SLC26A5: variants seen among roughly 807,000 people sequenced by gnomAD.
SLC26A5 encodes prestin.
Under a neutral mutation model 81.0 loss-of-function variants are expected in SLC26A5, and 51 were observed. That is an observed-to-expected ratio of 0.63 (90% confidence interval 0.50 to 0.80). SLC26A5 has a LOEUF of 0.80. Ranked by LOEUF, SLC26A5 falls within the 30% of genes least tolerant of loss-of-function variation. The pLI is 0.00. For missense variants in SLC26A5, 771 were observed against 905.8 expected (o/e 0.85, Z 1.91); for synonymous variants, 325 against 332.8 (o/e 0.98, Z 0.25).
intron 19 of SLC26A5, among the ~76,000 whole-genome samples, chr7:103,356,013 G>C (rs1160529763): frequency 6.6e-6 from 1 of 152,132 alleles, no homozygotes; most frequent in Non-Finnish European, 1.5e-5. Context: ...GATATAAAAA[G>C]ATGTAGAGCA....
In SLC26A5 at chr7:103,377,640, C is replaced by T. The variant is rs756281394; in HGVS notation, c.1945G>A (p.Val649Ile). Residue 649 changes from valine (V) to isoleucine (I), a missense_variant, in exon 18 of 20, where the codon GTC (valine) becomes ATC (isoleucine). Coordinates refer to ENST00000306312, the MANE Select transcript of SLC26A5 (RefSeq NM_198999.3). ...VHTVILDFTQ[V>I]NFIDSVGVKT... ...ACTCCAACAGAATCAATAAAATTGA[C>T]TTGAGTGAAATCCAAAATGACAGTG... 1 of 1,614,074 alleles carries T rather than the reference C, an allele frequency of 6.2e-7. No individual in the cohort carries two copies. The highest frequency in any genetic ancestry group is 1.1e-5 in the South Asian group (1 of 91,074).
intron 19 of SLC26A5, among the ~76,000 whole-genome samples, chr7:103,364,958 C>CATACATATATATATATATAT (rs374432802): frequency 1.6e-5 from 2 of 125,500 alleles, no homozygotes; most frequent in African/African-American, 5.9e-5. Context: ...TGTAGACATA[C>CATACATATATATATATATAT]ATATATATAT....
intron 19 of SLC26A5, among the ~76,000 whole-genome samples, chr7:103,364,611 G>A (rs918190698): frequency 5.3e-5 from 8 of 152,036 alleles, no homozygotes; most frequent in Admixed American, 4.6e-4. Flanking sequence ...GTTTTACCAT[G>A]TGGCCCAGCT....
In SLC26A5 at chr7:103,367,899, G is replaced by T; in HGVS notation, c.2041+8909C>A. The T allele has an allele frequency of 1.2e-6, 2 of 1,613,064 alleles. No individual in the cohort carries two copies. The highest frequency in any genetic ancestry group is 1.7e-6 in the Non-Finnish European group (2 of 1,179,668). On this transcript the variant is annotated intron_variant, in intron 19 of 19. Transcript: ENST00000339444. The surrounding 1 kb of genome is among the most constrained non-coding windows in gnomAD (Gnocchi z 6.1). Reference sequence around the variant, plus strand: ...TTTATTTTCTTTTTGTTTGAAAGGTGCTGAGATTAGAAGCGTCTGCACAGA... The same window carrying T: ...TTTATTTTCTTTTTGTTTGAAAGGTTCTGAGATTAGAAGCGTCTGCACAGA...
At chr7:103,407,337 T>A (rs1015376137) in intron 8 of SLC26A5, among the ~76,000 whole-genome samples, 2 of 152,174 alleles carry the variant, frequency 1.3e-5, no homozygotes, top group African/African-American at 4.8e-5. Flanking sequence ...AATAAAATAT[T>A]TTTATTCCAA....
intron 14 of SLC26A5, among the ~76,000 whole-genome samples, chr7:103,387,511 G>C (rs1480956555): frequency 2.0e-5 from 3 of 152,190 alleles, no homozygotes; most frequent in Non-Finnish European, 2.9e-5. Flanking sequence ...CAGGCACTGT[G>C]CTGGCTGTTT....
Position 103,377,746 on chromosome 7 carries a change from T to C in SLC26A5, c.1839A>G (p.Glu613=). The C allele has an allele frequency of 6.2e-7, 1 of 1,614,174 alleles. No individual in the cohort carries two copies. Among genetic ancestry groups the C allele is most frequent in the Non-Finnish European group, 8.5e-7 (1 of 1,180,032 alleles). The change falls in exon 18 of 20, where the codon GAA becomes GAG. Residue 613 remains glutamate (E), a synonymous_variant. Transcript: ENST00000306312. The stretch of plus-strand genomic sequence containing the variant: ...TGATCACTATTGGGGGATATTTTAC[T>C]TCACCATCCTCTTCTTCAGGCTTGG... ...DATKPEEEDG[E]VKYPPIVIKS...
intron 2 of SLC26A5, among the ~76,000 whole-genome samples, chr7:103,423,078 A>G (rs1011258769): frequency 1.3e-5 from 2 of 150,222 alleles, no homozygotes; most frequent in African/African-American, 2.5e-5. Context: ...CCTGGCCAAC[A>G]TGGAGAAAAC....
chr7:103,420,600 G>T, intron 4 of SLC26A5, 138 bp downstream of exon 4: 1 of 1,200,906 alleles, frequency 8.3e-7, no homozygotes, highest in Non-Finnish European at 1.2e-6. Flanking sequence ...ACATGTTTCT[G>T]AAGAATACCT....
At chr7:103,371,605 T>C (rs1586190537), downstream of SLC26A5, among the ~76,000 whole-genome samples, 1 of 151,924 alleles carries the variant, frequency 6.6e-6, no homozygotes. Flanking sequence ...ATTACAGGCG[T>C]GAGCCACTGC....
rs1182069367 is a variant in SLC26A5, at chr7:103,446,165, G to C, written c.-250C>G. On this transcript the variant is annotated 5_prime_UTR_variant, in exon 1 of 20. Coordinates refer to ENST00000306312, the MANE Select transcript of SLC26A5 (RefSeq NM_198999.3). ...CAGCCGCTGCCTCTTCGACGCGCGC[G>C]CTGCCTCCAGGTGCGGCTCTAGGAG... The C allele has an allele frequency of 6.6e-6, 1 of 151,330 alleles. No individual in the cohort carries two copies. The highest frequency in any genetic ancestry group is 2.1e-4 in the South Asian group (1 of 4,834). The allele number at this position is 151,330 out of a possible 1,614,324, so 9.4% of individuals were successfully genotyped here. A position where few individuals can be genotyped will look rare whatever the true frequency, so the allele number is the denominator to read the frequency against.
chr7:103,421,506 A>G lies in SLC26A5; in HGVS notation c.9T>C (p.His3=). 3 of 1,614,064 alleles carry G rather than the reference A, an allele frequency of 1.9e-6. No homozygotes were observed. Among genetic ancestry groups the G allele is most frequent in the Non-Finnish European group, 2.5e-6 (3 of 1,179,946 alleles). The change falls in exon 3 of 20, where the codon CAT becomes CAC. Residue 3 remains histidine (H), a synonymous_variant. Transcript: ENST00000306312. MD[H]AEENEILAAT... The stretch of plus-strand genomic sequence containing the variant: ...CTGCAAGGATTTCATTTTCTTCAGC[A>G]TGATCCATAGTACTCTGAAATTATT...
At chr7:103,354,031 C>A in intron 19 of SLC26A5, 4 of 1,158,694 alleles carry the variant, frequency 3.5e-6, no homozygotes, top group Admixed American at 2.6e-5. Context: ...ATTGTCCTTC[C>A]AAAATAATTA....
At chr7:103,412,308 A>G (rs1229761821) in intron 5 of SLC26A5, among the ~76,000 whole-genome samples, 1 of 152,174 alleles carries the variant, frequency 6.6e-6, no homozygotes, top group African/African-American at 2.4e-5. Flanking sequence ...AATATGTACA[A>G]TTCAGAGCCC....
chr7:103,372,598 G>A (rs1020420056), downstream of SLC26A5, among the ~76,000 whole-genome samples: 16 of 152,172 alleles, frequency 1.1e-4, no homozygotes, highest in Middle Eastern at 3.2e-3. Flanking sequence ...TGAGTAAGAT[G>A]AGCATTATGC....
At chr7:103,444,132 T>C (rs1827093863) in intron 1 of SLC26A5, among the ~76,000 whole-genome samples, 1 of 152,224 alleles carries the variant, frequency 6.6e-6, no homozygotes, top group South Asian at 2.1e-4. Flanking sequence ...GTTCATGAAA[T>C]TGGATCTATC....
At chr7:103,395,525 T>TATAAA (rs1823036891) in intron 9 of SLC26A5, among the ~76,000 whole-genome samples, 50 of 14,456 alleles carry the variant, frequency 3.5e-3, no homozygotes, top group Non-Finnish European at 5.8e-3. Context: ...ATATATAAAT[T>TATAAA]TTTTTTTTTT....
chr7:103,381,352 C>A (rs1821769400), intron 14 of SLC26A5, among the ~76,000 whole-genome samples: 1 of 151,278 alleles, frequency 6.6e-6, no homozygotes, highest in Non-Finnish European at 1.5e-5. Context: ...AATATACACA[C>A]ACATCACCCC....
At chr7:103,362,766 A>T in intron 19 of SLC26A5, 2 of 1,564,004 alleles carry the variant, frequency 1.3e-6, no homozygotes, top group South Asian at 2.3e-5. Flanking sequence ...CAGGTAAGAA[A>T]CTATGGGAGG....
Sources: allele counts gnomAD v4.1 joint callset (sites outside exome capture counted in the v4.1 genomes callset), GRCh38; gene constraint gnomAD v4.1.1; non-coding constraint Gnocchi (gnomAD v3.1); transcripts MANE v1.5; gene names NCBI Gene and HGNC (gene_info 2026-07-23, HGNC 2026-07-21).